SIGLECL1: variants seen among roughly 807,000 people sequenced by gnomAD.
SIGLECL1 encodes SIGLEC family like 1.
SIGLECL1 carries 16 observed loss-of-function variants against 19.1 expected under a neutral mutation model. The ratio of observed to expected loss-of-function variants is 0.84; its 90% CI spans 0.57 to 1.27. The LOEUF (loss-of-function observed/expected upper bound fraction) is 1.27. Among genes scored for constraint, SIGLECL1 ranks in the 50% most tolerant of loss-of-function variants. The pLI, the probability that SIGLECL1 is intolerant of heterozygous loss-of-function variation, is 0.00. For missense variants in SIGLECL1, 210 were observed against 239.4 expected, an observed-to-expected ratio of 0.88 and a Z score of 0.81; for synonymous variants, 89 against 90.4, an observed-to-expected ratio of 0.98 and a Z score of 0.09.
intron 1 of SIGLECL1, among the ~76,000 whole-genome samples, chr19:51,259,474 T>C (rs1238500399): frequency 6.6e-6 from 1 of 152,184 alleles, no homozygotes; most frequent in East Asian, 1.9e-4. Context: ...GGATATCTGG[T>C]GGACAAAACA....
At chr19:51,247,782 T>C (rs971281571), upstream of SIGLECL1, among the ~76,000 whole-genome samples, 1 of 152,224 alleles carries the variant, frequency 6.6e-6, no homozygotes, top group Non-Finnish European at 1.5e-5. Flanking sequence ...AAGTACACCC[T>C]GAGAGGCAGA....
intron 1 of SIGLECL1, among the ~76,000 whole-genome samples, chr19:51,256,239 T>C (rs1481271279): frequency 6.6e-6 from 1 of 152,208 alleles, no homozygotes; most frequent in African/African-American, 2.4e-5. Flanking sequence ...TCATTTTACA[T>C]CATTTCACTT....
intron 1 of SIGLECL1, among the ~76,000 whole-genome samples, chr19:51,257,409 C>CAA (rs36025416): frequency 2.0e-4 from 25 of 125,170 alleles, no homozygotes; most frequent in Admixed American, 4.6e-4. Context: ...GAAACTGTCT[C>CAA]AAAAAAAAAA....
chr19:51,258,993 G>C (rs1983008061), intron 1 of SIGLECL1, among the ~76,000 whole-genome samples: 1 of 152,136 alleles, frequency 6.6e-6, no homozygotes, highest in African/African-American at 2.4e-5. Flanking sequence ...ACGAACATGT[G>C]ATCTAATCAA....
intron 1 of SIGLECL1, among the ~76,000 whole-genome samples, chr19:51,258,474 T>C (rs990896085): frequency 1.3e-5 from 2 of 152,194 alleles, no homozygotes; most frequent in African/African-American, 4.8e-5. Context: ...ATACAATGGA[T>C]CCAACCCCCA....
chr19:51,265,971 C>A (rs1983640969), intron 4 of SIGLECL1, 89 bp downstream of exon 4: 11 of 1,314,958 alleles, frequency 8.4e-6, no homozygotes, highest in South Asian at 2.4e-5. Context: ...AAGACAGGAC[C>A]CCTCCCCTCA....
intron 2 of SIGLECL1, 23 bp from the exon 3 acceptor site, chr19:51,265,345 C>T: frequency 6.3e-7 from 1 of 1,587,224 alleles, no homozygotes; most frequent in African/African-American, 1.3e-5. Context: ...GCCTTGCTGA[C>T]TCCTGACCCT....
At chr19:51,268,020 G>A (rs1014696247) in intron 5 of SIGLECL1, among the ~76,000 whole-genome samples, 1 of 152,196 alleles carries the variant, frequency 6.6e-6, no homozygotes, top group African/African-American at 2.4e-5. Context: ...ATGCCTCACT[G>A]TTATTTACCG....
Position 51,257,513 on chromosome 19 carries a change from G to A in SIGLECL1, c.-191+5968G>A, listed in dbSNP as rs558096468. ...CAAACATAGAGATCGCTGCTATTCT[G>A]AATTTGACATTTTATTCTGTGTACT... On this transcript the variant is annotated intron_variant, in intron 1 of 5. Transcript: ENST00000601727. Among the ~76,000 whole-genome samples, 14 of 152,234 alleles carry A rather than the reference G, an allele frequency of 9.2e-5. No homozygotes were observed. The East Asian group carries it at 2.5e-3, about 27-fold the overall frequency.
chr19:51,261,767 G>A (rs867877588), intron 1 of SIGLECL1, among the ~76,000 whole-genome samples: 20 of 152,080 alleles, frequency 1.3e-4, no homozygotes, highest in African/African-American at 4.8e-4. Flanking sequence ...TAACATCTAG[G>A]TACATGATTT....
chr19:51,257,128 T>G (rs1982858557), intron 1 of SIGLECL1, among the ~76,000 whole-genome samples: 1 of 152,138 alleles, frequency 6.6e-6, no homozygotes, highest in Non-Finnish European at 1.5e-5. Flanking sequence ...AAACACTGGC[T>G]GGGCACGGTA....
upstream of SIGLECL1, among the ~76,000 whole-genome samples, chr19:51,247,877 A>T (rs1204098821): frequency 6.6e-6 from 1 of 152,208 alleles, no homozygotes; most frequent in African/African-American, 2.4e-5. Context: ...CCTGTTAAGA[A>T]TTCCTTTGTT....
chr19:51,250,326 C>T (rs1982412386), upstream of SIGLECL1, among the ~76,000 whole-genome samples: 2 of 152,134 alleles, frequency 1.3e-5, no homozygotes, highest in East Asian at 1.9e-4. Flanking sequence ...TCAGGTAATC[C>T]GCCCGCCTCA....
At chr19:51,259,257 G>C (rs1983036195) in intron 1 of SIGLECL1, among the ~76,000 whole-genome samples, 1 of 152,170 alleles carries the variant, frequency 6.6e-6, no homozygotes, top group East Asian at 1.9e-4. Flanking sequence ...TGTTTGGACA[G>C]ACTATGTAAA....
At chr19:51,260,298 T>TA (rs1159336306) in intron 1 of SIGLECL1, among the ~76,000 whole-genome samples, 3 of 152,246 alleles carry the variant, frequency 2.0e-5, no homozygotes, top group South Asian at 2.1e-4. Flanking sequence ...TGTGCGTTCT[T>TA]AAACACTTGA....
At chr19:51,256,414 G>A (rs1052448377) in intron 1 of SIGLECL1, among the ~76,000 whole-genome samples, 3 of 152,216 alleles carry the variant, frequency 2.0e-5, no homozygotes, top group Non-Finnish European at 1.5e-5. Context: ...AAACAAGTCA[G>A]ACACAGAAAG....
intron 1 of SIGLECL1, among the ~76,000 whole-genome samples, chr19:51,262,770 T>G (rs1423163619): frequency 2.0e-5 from 3 of 152,246 alleles, no homozygotes; most frequent in African/African-American, 7.2e-5. Flanking sequence ...ATATTTATCC[T>G]AAACCAAGTG....
chr19:51,264,231 A>G (rs875283), intron 2 of SIGLECL1, 137 bp downstream of exon 2: 501,040 of 950,230 alleles, frequency 0.53, 137,508 homozygotes, highest in African/African-American at 0.79. Context: ...AATAATCAAC[A>G]TGAATTAGAC....
In SIGLECL1 at chr19:51,264,802, C is replaced by T. The variant is rs73932896; in HGVS notation, c.23-566C>T. Among the ~76,000 whole-genome samples the T allele has an allele frequency of 3.9e-3, 594 of 152,146 alleles. 7 individuals carry two copies. Among genetic ancestry groups the T allele is most frequent in the African/African-American group, 0.014 (563 of 41,488 alleles). On this transcript the variant is annotated intron_variant, in intron 2 of 5. Coordinates refer to ENST00000601727, the MANE Select transcript of SIGLECL1 (RefSeq NM_001385465.1). ...TGTTCCACCAAAGACCACTTGAGACCGGGAAGAAGGAAATTAAGAAAGGTG... is the reference window on the plus strand; with the variant it reads ...TGTTCCACCAAAGACCACTTGAGACTGGGAAGAAGGAAATTAAGAAAGGTG...
Sources: gnomAD v4.1 joint callset for allele counts (sites outside exome capture counted in the v4.1 genomes callset) on GRCh38, gnomAD v4.1.1 for gene constraint, MANE v1.5 for transcripts, NCBI Gene and HGNC (gene_info 2026-07-23, HGNC 2026-07-21) for gene names.